SPEF2: variants seen among roughly 807,000 people sequenced by gnomAD.
SPEF2 encodes the protein sperm flagellar and cilia associated 2.
Under a neutral mutation model 224.6 loss-of-function variants are expected in SPEF2, and 187 were observed. The observed-to-expected ratio is 0.83, with a 90% confidence interval of 0.74 to 0.94. The LOEUF is 0.94. SPEF2 is among the 40% of genes least tolerant of loss of function. The pLI, the probability that SPEF2 is intolerant of heterozygous loss-of-function variation, is 0.00. For synonymous variants in SPEF2, 715 were observed against 707.3 expected (o/e 1.01, Z -0.17); for missense variants, 2,170 against 2,135.6 (o/e 1.02, Z -0.32).
intron 14 of SPEF2, among the ~76,000 whole-genome samples, chr5:35,696,467 A>C (rs1180193919): frequency 1.3e-5 from 2 of 152,220 alleles, no homozygotes; most frequent in Non-Finnish European, 2.9e-5. Flanking sequence ...GGGGACTTAC[A>C]ATTTTTACTC....
At chr5:35,637,611 A>T (rs992742893) in intron 2 of SPEF2, among the ~76,000 whole-genome samples, 2 of 152,186 alleles carry the variant, frequency 1.3e-5, no homozygotes, top group East Asian at 1.9e-4. Context: ...ACACTGTCAT[A>T]CCAAATAAAC....
intron 25 of SPEF2, among the ~76,000 whole-genome samples, chr5:35,763,154 G>A (rs1751567084): frequency 6.6e-6 from 1 of 152,142 alleles, no homozygotes; most frequent in Admixed American, 6.5e-5. Context: ...CGTTTGGTTT[G>A]CTTTTTCACG....
chr5:35,649,918 C>G (rs1248840320), intron 6 of SPEF2, among the ~76,000 whole-genome samples: 1 of 152,216 alleles, frequency 6.6e-6, no homozygotes, highest in Non-Finnish European at 1.5e-5. Flanking sequence ...CTGGCTTCAT[C>G]TACCTAAAGA....
intron 21 of SPEF2, among the ~76,000 whole-genome samples, chr5:35,738,625 G>A (rs987945888): frequency 1.3e-5 from 2 of 150,202 alleles, no homozygotes; most frequent in Non-Finnish European, 3.0e-5. Flanking sequence ...GCTAATCTGG[G>A]CACAATGGTT....
At chr5:35,768,058 G>A (rs1752319146) in intron 26 of SPEF2, among the ~76,000 whole-genome samples, 1 of 151,790 alleles carries the variant, frequency 6.6e-6, no homozygotes, top group Non-Finnish European at 1.5e-5. Flanking sequence ...TTGTTGTTTT[G>A]TAATCTGTAT....
At chr5:35,659,527 G>A (rs894422573) in intron 8 of SPEF2, among the ~76,000 whole-genome samples, 2 of 152,122 alleles carry the variant, frequency 1.3e-5, no homozygotes, top group Non-Finnish European at 2.9e-5. Flanking sequence ...TTCTCATGAA[G>A]GGCTCATGGA....
chr5:35,625,669 T>A (rs1744134553), intron 1 of SPEF2, among the ~76,000 whole-genome samples: 2 of 151,918 alleles, frequency 1.3e-5, no homozygotes, highest in Non-Finnish European at 2.9e-5. Context: ...TTTAGAAAAC[T>A]AAGGGAAGAA....
At chr5:35,659,658 G>A (rs1749437902) in intron 8 of SPEF2, among the ~76,000 whole-genome samples, 1 of 152,002 alleles carries the variant, frequency 6.6e-6, no homozygotes, top group African/African-American at 2.4e-5. Flanking sequence ...ATGTCACTCT[G>A]TTTTCTTCAA....
rs1439381974 is a variant in SPEF2 at position 35,808,271 on chromosome 5, T to G, written c.5379+1018T>G. 7.7e-6 allele frequency: 5 copies of G among 649,996 alleles called. No individual in the cohort carries two copies. The African/African-American group carries it at 9.9e-5, about 13-fold the overall frequency. 40.3% of individuals were successfully genotyped at this position (649,996 alleles called of 1,614,324 possible). A position where few individuals can be genotyped will look rare whatever the true frequency, so the allele number is the denominator to read the frequency against. On this transcript the variant is annotated intron_variant, in intron 36 of 36. Transcript: ENST00000356031. Reference sequence around the variant, plus strand: ...TGATTTCTTTTTTTTTAATTATACTTTAAGTTCTAGGGCACATGTGCACAA... The same window carrying G: ...TGATTTCTTTTTTTTTAATTATACTGTAAGTTCTAGGGCACATGTGCACAA...
intron 24 of SPEF2, among the ~76,000 whole-genome samples, chr5:35,759,005 C>CAA (rs57893412): frequency 0.6 from 30,728 of 51,142 alleles, 10,907 homozygotes; most frequent in Middle Eastern, 0.75. Context: ...GACTCTGTCT[C>CAA]AAAAAAAAAA....
rs1053472712 is a variant in SPEF2 at position 35,694,597 on chromosome 5, G to T, written c.1975+234G>T. ...TCAGCCTCCTTCGAATAGTTGATTA[G>T]TTTTGCTGCCATTATGAAAGAATCC... On this transcript the variant is annotated intron_variant, in intron 13 of 36. Transcript: ENST00000356031. Among the ~76,000 whole-genome samples the T allele has an allele frequency of 7.2e-5, 11 of 152,318 alleles. No homozygotes were observed. In the South Asian group the frequency reaches 2.3e-3, roughly 32 times the overall value.
chr5:35,668,472 C>G (rs1021386223), intron 9 of SPEF2, among the ~76,000 whole-genome samples: 1 of 151,956 alleles, frequency 6.6e-6, no homozygotes, highest in African/African-American at 2.4e-5. Context: ...AAACTGAGAA[C>G]AGATTAGTGA....
chr5:35,700,422 G>A, intron 15 of SPEF2, 74 bp from the exon 16 acceptor site: 1 of 1,344,838 alleles, frequency 7.4e-7, no homozygotes, highest in South Asian at 1.3e-5. Flanking sequence ...AAAGAAAAAG[G>A]AAAGATTCAT....
intron 21 of SPEF2, among the ~76,000 whole-genome samples, chr5:35,733,038 G>A (rs915588938): frequency 6.6e-6 from 1 of 152,086 alleles, no homozygotes; most frequent in Non-Finnish European, 1.5e-5. Context: ...TCCCCTGTGG[G>A]TCTGGGAACA....
At position 35,714,680 on chromosome 5, in the gene SPEF2, T is replaced by TTTTTTTTA. The variant is rs1554039989; in HGVS notation, c.2914+1797_2914+1798insTTTTATTT. On this transcript the variant is annotated intron_variant, in intron 20 of 36. Coordinates refer to ENST00000356031, the MANE Select transcript of SPEF2 (RefSeq NM_024867.4). ...AGGTTGGTTTGTCTTTTGGGTTTATTTTTATTTATTTATTTATTTATTTAT... is the reference window on the plus strand; with the variant it reads ...AGGTTGGTTTGTCTTTTGGGTTTATTTTTTTTTATTTATTTATTTATTTATTTATTTAT... Among the ~76,000 whole-genome samples the TTTTTTTTA allele has an allele frequency of 1.7e-3, 227 of 134,562 alleles. 2 individuals carry two copies. The highest frequency in any genetic ancestry group is 4.6e-3 in the African/African-American group (165 of 36,146). The allele number at this position is 134,562 out of a possible 152,430, so 88.3% of individuals were successfully genotyped here. A position where few individuals can be genotyped will look rare whatever the true frequency, so the allele number is the denominator to read the frequency against.
At chr5:35,751,001 A>ATATATATATACGTATATATATACG (rs375982083) in intron 23 of SPEF2, among the ~76,000 whole-genome samples, 2 of 91,584 alleles carry the variant, frequency 2.2e-5, no homozygotes, top group African/African-American at 3.7e-5. Context: ...ATATATGTAT[A>ATATATATATACGTATATATATACG]TATATATATA....
intron 23 of SPEF2, among the ~76,000 whole-genome samples, chr5:35,741,397 G>A (rs1747616629): frequency 6.6e-6 from 1 of 152,208 alleles, no homozygotes; most frequent in African/African-American, 2.4e-5. Flanking sequence ...AAGAGCGATG[G>A]CACTGAAGGG....
At chr5:35,634,081 A>G (rs916514540) in intron 2 of SPEF2, among the ~76,000 whole-genome samples, 4 of 152,044 alleles carry the variant, frequency 2.6e-5, no homozygotes, top group Non-Finnish European at 4.4e-5. Flanking sequence ...ACTATTTTTT[A>G]TGTTACTCTA....
In SPEF2 at chr5:35,778,213, C is replaced by A. The variant is rs190801657; in HGVS notation, c.4218-904C>A. Among the ~76,000 whole-genome samples the A allele has an allele frequency of 5.3e-5, 8 of 152,218 alleles. No homozygotes were observed. The East Asian group carries it at 1.4e-3, about 26-fold the overall frequency. ...GCTCACTTTCATTGTAATATATAAACAAGATCCTTTCTTCAATACAGCGAT... is the reference window on the plus strand; with the variant it reads ...GCTCACTTTCATTGTAATATATAAAAAAGATCCTTTCTTCAATACAGCGAT... On this transcript the variant is annotated intron_variant, in intron 29 of 36. Transcript: ENST00000356031.
Sources: allele counts gnomAD v4.1 joint callset (sites outside exome capture counted in the v4.1 genomes callset), GRCh38; gene constraint gnomAD v4.1.1; transcripts MANE v1.5; gene names NCBI Gene and HGNC (gene_info 2026-07-23, HGNC 2026-07-21).